EYS: variants seen among roughly 807,000 people sequenced by gnomAD.
EYS encodes the protein protein eyes shut homolog.
Under a neutral mutation model 282.1 loss-of-function variants are expected in EYS, and 250 were observed. The observed-to-expected ratio is 0.89, with a 90% CI of 0.80 to 0.98. The LOEUF (loss-of-function observed/expected upper bound fraction) is 0.98. Among genes scored for constraint, EYS ranks in the 50% least tolerant of loss-of-function variants. The pLI is 0.00. For synonymous variants in EYS, 1,355 were observed against 1,282.9 expected, an observed-to-expected ratio of 1.06 and a Z score of -1.20; for missense variants, 4,016 against 3,709.0, an observed-to-expected ratio of 1.08 and a Z score of -2.15.
chr6:63,903,542 G>A (rs916432329), intron 35 of EYS, among the ~76,000 whole-genome samples: 2 of 152,116 alleles, frequency 1.3e-5, no homozygotes, highest in African/African-American at 2.4e-5. Flanking sequence ...CTGAACCTAT[G>A]TCAAATGGAA....
chr6:65,300,340 T>G (rs1374075083), intron 11 of EYS, among the ~76,000 whole-genome samples: 2 of 152,172 alleles, frequency 1.3e-5, no homozygotes, highest in South Asian at 4.1e-4. Context: ...TTACTTGACT[T>G]CCTATTTTAA....
At chr6:63,757,515 G>C (rs536764776) in intron 41 of EYS, among the ~76,000 whole-genome samples, 1 of 151,898 alleles carries the variant, frequency 6.6e-6, no homozygotes, top group Non-Finnish European at 1.5e-5. Flanking sequence ...ATCTTTATTG[G>C]CCTCAGAAGC....
intron 31 of EYS, among the ~76,000 whole-genome samples, chr6:64,113,495 T>G (rs1293977384): frequency 6.6e-6 from 1 of 152,188 alleles, no homozygotes; most frequent in Admixed American, 6.5e-5. Context: ...TTTACAGTAT[T>G]TACTCCGTAA....
chr6:63,972,538 A>G (rs1365105027), intron 35 of EYS, among the ~76,000 whole-genome samples: 1 of 152,120 alleles, frequency 6.6e-6, no homozygotes, highest in Non-Finnish European at 1.5e-5. Flanking sequence ...TTAGAGAACT[A>G]ATCTTTTTTT....
intron 8 of EYS, among the ~76,000 whole-genome samples, chr6:65,358,460 A>C (rs988960435): frequency 3.9e-5 from 6 of 151,992 alleles, no homozygotes; most frequent in African/African-American, 1.4e-4. Context: ...ATTCCTAGGC[A>C]AACTGGGATG....
chr6:64,899,005 GT>G (rs1342791185), intron 18 of EYS, among the ~76,000 whole-genome samples: 4 of 151,834 alleles, frequency 2.6e-5, no homozygotes, highest in African/African-American at 9.7e-5. Context: ...CACAATAATA[GT>G]GAGAGACTTT....
chr6:65,141,649 G>GTCTGTCTGTCTATGTA (rs1216509536), intron 12 of EYS, among the ~76,000 whole-genome samples: 15 of 131,326 alleles, frequency 1.1e-4, no homozygotes, highest in African/African-American at 4.9e-4. Context: ...CTGTCTGTCT[G>GTCTGTCTGTCTATGTA]TCTATCTATC....
At chr6:65,264,669 T>C (rs767010544) in intron 12 of EYS, among the ~76,000 whole-genome samples, 2 of 152,024 alleles carry the variant, frequency 1.3e-5, no homozygotes, top group Non-Finnish European at 2.9e-5. Flanking sequence ...TTTAGGTTAC[T>C]GGTTGTTTAT....
At chr6:64,766,659 T>C (rs1330436402) in intron 22 of EYS, among the ~76,000 whole-genome samples, 1 of 53,072 alleles carries the variant, frequency 1.9e-5, no homozygotes, top group Non-Finnish European at 3.5e-5. Context: ...AATATATATA[T>C]ATATATATAT....
At chr6:64,850,450 G>A (rs1305825999) in intron 19 of EYS, among the ~76,000 whole-genome samples, 5 of 152,030 alleles carry the variant, frequency 3.3e-5, no homozygotes, top group Non-Finnish European at 5.9e-5. Context: ...CCTCCCTGAA[G>A]AAGTAACTTG....
chr6:64,191,118 G>C (rs1353454093), intron 31 of EYS, among the ~76,000 whole-genome samples: 1 of 151,636 alleles, frequency 6.6e-6, no homozygotes, highest in Non-Finnish European at 1.5e-5. Flanking sequence ...CTTTATCTTT[G>C]GTATATATAT....
At chr6:65,244,343 T>A (rs1011227204) in intron 12 of EYS, among the ~76,000 whole-genome samples, 1 of 152,146 alleles carries the variant, frequency 6.6e-6, no homozygotes, top group African/African-American at 2.4e-5. Flanking sequence ...AAAATTCACT[T>A]TACCTACAAA....
intron 2 of EYS, among the ~76,000 whole-genome samples, chr6:65,595,707 G>C (rs1398974238): frequency 1.3e-5 from 2 of 151,716 alleles, no homozygotes; most frequent in African/African-American, 4.8e-5. Context: ...AAATGTAAGA[G>C]AGAAAACAGT....
intron 12 of EYS, among the ~76,000 whole-genome samples, chr6:65,267,731 A>T (rs1291134475): frequency 6.6e-6 from 1 of 152,000 alleles, no homozygotes; most frequent in Non-Finnish European, 1.5e-5. Flanking sequence ...TTCCAGGTAA[A>T]CATATGAGAA....
intron 2 of EYS, among the ~76,000 whole-genome samples, chr6:65,590,310 A>G (rs1488490087): frequency 1.3e-5 from 2 of 152,092 alleles, no homozygotes; most frequent in Non-Finnish European, 1.5e-5. Flanking sequence ...CCTACAATAC[A>G]CATAGACATA....
intron 35 of EYS, among the ~76,000 whole-genome samples, chr6:63,976,289 T>G (rs1766833857): frequency 1.3e-5 from 2 of 152,024 alleles, no homozygotes; most frequent in South Asian, 4.1e-4. Flanking sequence ...CAAAAGTAAT[T>G]GTGCTATGAT....
At chr6:64,950,082 A>C (rs114153140) in intron 14 of EYS, among the ~76,000 whole-genome samples, 2,142 of 152,078 alleles carry the variant, frequency 0.014, 48 homozygotes, top group African/African-American at 0.049. Flanking sequence ...AGATAACCAG[A>C]CTAGGAAAAA....
In EYS at chr6:65,350,933, A is replaced by G. The variant is rs976899343; in HGVS notation, c.1459+2525T>C. On this transcript the variant is annotated intron_variant, in intron 9 of 42. Transcript: ENST00000503581. ...AATAATCTTCCTGCTGGTAAAATTA[A>G]TGCACCCCATGCAAAATTACCAGCA... Among the ~76,000 whole-genome samples the G allele has an allele frequency of 2.6e-5, 4 of 151,696 alleles. No individual in the cohort carries two copies. The Admixed American group carries it at 2.6e-4, about 10-fold the overall frequency.
chr6:64,188,015 G>A (rs1403101775), intron 31 of EYS, among the ~76,000 whole-genome samples: 1 of 151,960 alleles, frequency 6.6e-6, no homozygotes, highest in Admixed American at 6.6e-5. Flanking sequence ...GAGTTGAGAT[G>A]GTAATATTAA....
Sources: gnomAD v4.1 joint callset for allele counts (sites outside exome capture counted in the v4.1 genomes callset) on GRCh38, gnomAD v4.1.1 for gene constraint, MANE v1.5 for transcripts, NCBI Gene and HGNC (gene_info 2026-07-23, HGNC 2026-07-21) for gene names.